Variants in NIN observed in about 807,000 individuals in gnomAD.
NIN encodes ninein, also known as glycogen synthase kinase 3 beta-interacting protein.
In NIN, 137 loss-of-function variants were observed where a neutral mutation model predicts 257.6. The observed-to-expected ratio is 0.53, with a 90% CI of 0.46 to 0.61. NIN has a LOEUF of 0.61. Ranked by LOEUF, NIN falls within the 20% of genes least tolerant of loss-of-function variation. The pLI is 0.00. For synonymous variants in NIN, 918 were observed against 919.8 expected (o/e 1.00, Z 0.04); for missense variants, 2,439 against 2,501.2 (o/e 0.98, Z 0.53).
chr14:50,753,706 A>G (rs2041899444), intron 20 of NIN, among the ~76,000 whole-genome samples: 1 of 152,172 alleles, frequency 6.6e-6, no homozygotes, highest in African/African-American at 2.4e-5. Flanking sequence ...TGTCTTCCTC[A>G]CAGTGCTACC....
chr14:50,766,408 A>G lies in NIN; in HGVS notation c.1546-12T>C. The G allele has an allele frequency of 6.2e-7, 1 of 1,613,620 alleles. No individual in the cohort carries two copies. Among genetic ancestry groups the G allele is most frequent in the Non-Finnish European group, 8.5e-7 (1 of 1,179,532 alleles). On this transcript the variant is annotated splice_polypyrimidine_tract_variant and intron_variant, in intron 13 of 30. Coordinates refer to ENST00000530997, the MANE Select transcript of NIN (RefSeq NM_020921.4). ...TCGAGGTCACCAAACTAGAAGGGGAAAAGGGCAAAGCTGTCATTTTTCCCG... is the reference window on the plus strand; with the variant it reads ...TCGAGGTCACCAAACTAGAAGGGGAGAAGGGCAAAGCTGTCATTTTTCCCG...
chr14:50,808,322 A>G (rs1306232300), intron 3 of NIN, among the ~76,000 whole-genome samples: 3 of 152,198 alleles, frequency 2.0e-5, no homozygotes, highest in African/African-American at 7.2e-5. Flanking sequence ...CCAGCTTCCC[A>G]ACCAGCCAGT....
Position 50,725,962 on chromosome 14 carries a change from G to A in NIN, c.6183C>T (p.Leu2061=), listed in dbSNP as rs760167697. The A allele has an allele frequency of 4.3e-6, 7 of 1,614,070 alleles. No individual in the cohort carries two copies. The highest frequency in any genetic ancestry group is 5.1e-6 in the Non-Finnish European group (6 of 1,179,952). Reference sequence around the variant, plus strand: ...GACCGGGTAGGCTCACTTGTTCTTTGAGCTGATTCACTTTCTCTTGAAGAA... The same window carrying A: ...GACCGGGTAGGCTCACTTGTTCTTTAAGCTGATTCACTTTCTCTTGAAGAA... ...KRLLQEKVNQ[L]KEQLCKNTKA... The change falls in exon 30 of 31, where the codon CTC becomes CTT. Residue 2061 remains leucine (L), a synonymous_variant. Coordinates refer to ENST00000530997, the MANE Select transcript of NIN (RefSeq NM_020921.4).
intron 3 of NIN, among the ~76,000 whole-genome samples, chr14:50,821,197 C>G (rs2045201020): frequency 6.6e-6 from 1 of 152,108 alleles, no homozygotes; most frequent in Non-Finnish European, 1.5e-5. Context: ...GAATTGAAGG[C>G]AATCTCAGGT....
chr14:50,760,948 C>T (rs766583445), intron 16 of NIN, among the ~76,000 whole-genome samples: 10 of 152,112 alleles, frequency 6.6e-5, no homozygotes, highest in African/African-American at 9.7e-5. Flanking sequence ...AGATTACAGG[C>T]ATGAGCCACT....
chr14:50,824,796 A>G (rs1387534162), intron 2 of NIN, among the ~76,000 whole-genome samples: 3 of 152,142 alleles, frequency 2.0e-5, no homozygotes, highest in African/African-American at 7.2e-5. Flanking sequence ...AAATTTTGGA[A>G]TGCCCATCTC....
chr14:50,803,315 T>C (rs938940394), intron 4 of NIN, among the ~76,000 whole-genome samples: 21 of 152,190 alleles, frequency 1.4e-4, no homozygotes, highest in Admixed American at 1.3e-4. Flanking sequence ...ATTGTGCCAC[T>C]GCACTCCAGC....
rs2045538495 is a variant in NIN at position 50,827,960 on chromosome 14, T to G, written c.-22+2504A>C. Among the ~76,000 whole-genome samples the G allele has an allele frequency of 2.7e-5, 4 of 147,118 alleles. No homozygotes were observed. In the South Asian group the frequency reaches 8.7e-4, roughly 32 times the overall value. ...TACCCAATCAAGTAGTTAACTCAGG[T>G]TAGCTACAGGAAAAAAAAAACAAAA... On this transcript the variant is annotated intron_variant, in intron 2 of 30. Transcript: ENST00000530997.
At position 50,757,550 on chromosome 14, in the gene NIN, C is replaced by G; in HGVS notation, c.3480G>C (p.Thr1160=). 3 of 1,614,102 alleles carry G rather than the reference C, an allele frequency of 1.9e-6. No individual in the cohort carries two copies. Among genetic ancestry groups the G allele is most frequent in the Non-Finnish European group, 2.5e-6 (3 of 1,180,026 alleles). The change falls in exon 18 of 31, where the codon ACG becomes ACC. Residue 1160 remains threonine, a synonymous_variant. Coordinates refer to ENST00000530997, the MANE Select transcript of NIN (RefSeq NM_020921.4). ...DEVRDLGSTG[T]SSVQRQEVKI... ...TGACTTCCTGTCTCTGAACAGAGCT[C>G]GTCCCTGTACTTCCCAGGTCCCGGA...
chr14:50,781,211 G>A (rs2043121740), intron 5 of NIN, among the ~76,000 whole-genome samples: 1 of 151,920 alleles, frequency 6.6e-6, no homozygotes, highest in African/African-American at 2.4e-5. Context: ...AATAAAATAG[G>A]GTTTTATGGT....
At chr14:50,822,286 G>A (rs2045260853) in intron 2 of NIN, among the ~76,000 whole-genome samples, 1 of 152,084 alleles carries the variant, frequency 6.6e-6, no homozygotes, top group Non-Finnish European at 1.5e-5. Context: ...TCACATCAGG[G>A]GCATATACAT....
chr14:50,735,143 G>A (rs2040913595), intron 28 of NIN, among the ~76,000 whole-genome samples: 1 of 152,188 alleles, frequency 6.6e-6, no homozygotes, highest in Non-Finnish European at 1.5e-5. Flanking sequence ...GGGTGCTAGA[G>A]ATCAATCATG....
chr14:50,761,971 A>G (rs1457642748), intron 15 of NIN, 60 bp from the exon 16 acceptor site: 10 of 1,574,352 alleles, frequency 6.4e-6, no homozygotes, highest in East Asian at 2.2e-5. Context: ...ACAGTGTGGC[A>G]TCTGAGGAGG....
At chr14:50,735,252 C>G (rs2040918574) in intron 28 of NIN, among the ~76,000 whole-genome samples, 1 of 152,100 alleles carries the variant, frequency 6.6e-6, no homozygotes, top group Non-Finnish European at 1.5e-5. Context: ...AGAGTCCCTG[C>G]CCCCTGAATT....
chr14:50,731,011 C>T (rs1198426699), intron 28 of NIN: 5 of 1,181,358 alleles, frequency 4.2e-6, no homozygotes, highest in Non-Finnish European at 5.7e-6. Flanking sequence ...ACAGACAAGA[C>T]AAAAAGAAGA....
At position 50,720,589 on chromosome 14, in the gene NIN, A is replaced by G. The variant is rs1049821875; in HGVS notation, c.*2874T>C. 2 of 206,622 alleles carry G rather than the reference A, an allele frequency of 9.7e-6. No homozygotes were observed. Among genetic ancestry groups the G allele is most frequent in the African/African-American group, 4.6e-5 (2 of 43,926 alleles). The allele number at this position is 206,622 out of a possible 1,614,324, so 12.8% of individuals were successfully genotyped here. On this transcript the variant is annotated 3_prime_UTR_variant, in exon 31 of 31. Transcript: ENST00000530997. Reference sequence around the variant, plus strand: ...AAATATGCCGAAGGCTAAATATGCAATGCATTGAAATTTCTGGGAAGAATT... The same window carrying G: ...AAATATGCCGAAGGCTAAATATGCAGTGCATTGAAATTTCTGGGAAGAATT...
At chr14:50,750,113 T>C (rs1483503786) in intron 21 of NIN, among the ~76,000 whole-genome samples, 1 of 152,052 alleles carries the variant, frequency 6.6e-6, no homozygotes, top group Non-Finnish European at 1.5e-5. Flanking sequence ...TTTTGACATG[T>C]CCTTTTTTTT....
In NIN at chr14:50,758,666, C is replaced by A. The variant is rs780944339; in HGVS notation, c.2400-36G>T. On this transcript the variant is annotated intron_variant, in intron 17 of 30. Coordinates refer to ENST00000530997, the MANE Select transcript of NIN (RefSeq NM_020921.4). Reference sequence around the variant, plus strand: ...TCAACATACAGCATTATTGAAACTGCCGCCAACTCCAGAAGCAAACAAAAA... The same window carrying A: ...TCAACATACAGCATTATTGAAACTGACGCCAACTCCAGAAGCAAACAAAAA... 4 of 1,513,042 alleles carry A rather than the reference C, an allele frequency of 2.6e-6. No homozygotes were observed. The African/African-American group carries it at 4.2e-5, about 16-fold the overall frequency. 93.7% of individuals were successfully genotyped at this position (1,513,042 alleles called of 1,614,324 possible).
At chr14:50,814,028 T>C (rs1372643677) in intron 3 of NIN, among the ~76,000 whole-genome samples, 2 of 152,184 alleles carry the variant, frequency 1.3e-5, no homozygotes, top group Non-Finnish European at 2.9e-5. Context: ...TTATATTTTA[T>C]TTTAAATAAA....
Sources: gnomAD v4.1 joint callset for allele counts (sites outside exome capture counted in the v4.1 genomes callset) on GRCh38, gnomAD v4.1.1 for gene constraint, MANE v1.5 for transcripts, NCBI Gene and HGNC (gene_info 2026-07-23, HGNC 2026-07-21) for gene names.